ADGRL3: variants seen among roughly 807,000 people sequenced by gnomAD.
The protein encoded by ADGRL3 is calcium-independent alpha-latrotoxin receptor 3.
Under a neutral mutation model 153.5 loss-of-function variants are expected in ADGRL3, and 62 were observed. The observed-to-expected ratio is 0.40, with a 90% confidence interval of 0.33 to 0.50. The LOEUF (loss-of-function observed/expected upper bound fraction) is 0.50, where lower values mean the gene tolerates loss of function less well. Among genes scored for constraint, ADGRL3 ranks in the 20% least tolerant of loss-of-function variants. The pLI, the probability that ADGRL3 is intolerant of heterozygous loss-of-function variation, is 0.47. For synonymous variants in ADGRL3, 710 were observed against 672.5 expected (o/e 1.06, Z -0.86); for missense variants, 1,641 against 1,859.4 (o/e 0.88, Z 2.16).
At chr4:61,370,914 C>G (rs1223452907) in intron 1 of ADGRL3, among the ~76,000 whole-genome samples, 1 of 150,374 alleles carries the variant, frequency 6.7e-6, no homozygotes, top group East Asian at 2.0e-4. Context: ...CTGGGTGCTC[C>G]TGTATTGGGT....
intron 1 of ADGRL3, among the ~76,000 whole-genome samples, chr4:61,316,272 T>C (rs1278006665): frequency 1.3e-5 from 2 of 152,102 alleles, no homozygotes; most frequent in Non-Finnish European, 2.9e-5. Flanking sequence ...AACAAACAAA[T>C]TGGGCTTATT....
In ADGRL3 at chr4:62,029,019, A is replaced by G; in HGVS notation, c.3422+138A>G. ...GAAGAGCAAACTGTGCAGGAAAATAATCTGGCATACAACCTATATGCAGAA... is the reference window on the plus strand; with the variant it reads ...GAAGAGCAAACTGTGCAGGAAAATAGTCTGGCATACAACCTATATGCAGAA... On this transcript the variant is annotated intron_variant, in intron 22 of 26. Coordinates refer to ENST00000683033, the MANE Select transcript of ADGRL3 (RefSeq NM_001387552.1). 3 of 707,264 alleles carry G rather than the reference A, an allele frequency of 4.2e-6. No homozygotes were observed. In the South Asian group the frequency reaches 6.4e-5, roughly 15 times the overall value. The allele number at this position is 707,264 out of a possible 1,614,324, so 43.8% of individuals were successfully genotyped here.
In ADGRL3 at chr4:61,413,932, A is replaced by C. The variant is rs1417097627; in HGVS notation, c.-174+30743A>C. 2.6e-5 allele frequency among the ~76,000 whole-genome samples: 4 copies of C among 152,208 alleles called. No individual in the cohort carries two copies. In the East Asian group the frequency reaches 7.7e-4, roughly 29 times the overall value. Reference sequence around the variant, plus strand: ...TAGTCCTCCTTTATTCACAGAGAATACTGGTTTGGGACCATTTTATTAAAA... The same window carrying C: ...TAGTCCTCCTTTATTCACAGAGAATCCTGGTTTGGGACCATTTTATTAAAA... On this transcript the variant is annotated intron_variant, in intron 2 of 26. Transcript: ENST00000683033.
intron 9 of ADGRL3, among the ~76,000 whole-genome samples, chr4:61,859,760 T>C (rs2098321138): frequency 6.6e-6 from 1 of 152,204 alleles, no homozygotes; most frequent in Non-Finnish European, 1.5e-5. Context: ...ATGATCTATT[T>C]CTGTGGTGTG....
intron 1 of ADGRL3, among the ~76,000 whole-genome samples, chr4:61,253,008 T>A (rs968667793): frequency 1.3e-5 from 2 of 152,210 alleles, no homozygotes; most frequent in African/African-American, 4.8e-5. Context: ...TTTTTTTACT[T>A]ATTTTCAGTC....
At chr4:61,375,483 CAAGTG>C in intron 1 of ADGRL3, among the ~76,000 whole-genome samples, 1 of 152,078 alleles carries the variant, frequency 6.6e-6, no homozygotes, top group African/African-American at 2.4e-5. Context: ...TATGAATCAT[CAAGTG>C]TACTCCCTGA....
chr4:61,622,025 T>C (rs10025823), intron 5 of ADGRL3, among the ~76,000 whole-genome samples: 50,191 of 151,990 alleles, frequency 0.33, 9,107 homozygotes, highest in East Asian at 0.52. Context: ...TGTCGGTAGC[T>C]GTGTTGGTAT....
At position 61,979,752 on chromosome 4, in the gene ADGRL3, A is replaced by T; in HGVS notation, c.2995A>T (p.Ile999Phe). ...AGCAGAGCTGCTCTTCCTGATTGGG[A>T]TCAACCGAACTGACCAACCAGTAAG... ...FVAELLFLIG[I>F]NRTDQPIACA... is the part of the protein sequence containing the mutation. Residue 999 changes from isoleucine (I) to phenylalanine (F), a missense_variant, in exon 18 of 27, where the codon ATC becomes TTC. Ile to Phe is a conservative substitution (Grantham distance 21, BLOSUM62 0). Around this residue, in one of 5 missense-constraint regions of ADGRL3, gnomAD observed 734 missense variants for 797.0 expected, o/e 0.92. Coordinates refer to ENST00000683033, the MANE Select transcript of ADGRL3 (RefSeq NM_001387552.1). 6.2e-7 allele frequency: 1 copy of T among 1,613,902 alleles called. No homozygotes were observed. Among genetic ancestry groups the T allele is most frequent in the East Asian group, 2.2e-5 (1 of 44,862 alleles).
At chr4:61,655,055 G>A (rs2094402759) in intron 5 of ADGRL3, among the ~76,000 whole-genome samples, 1 of 152,028 alleles carries the variant, frequency 6.6e-6, no homozygotes, top group Non-Finnish European at 1.5e-5. Flanking sequence ...ATTATTTTAT[G>A]TGTGACTCTT....
At chr4:62,013,356 A>G (rs1409223515) in intron 21 of ADGRL3, among the ~76,000 whole-genome samples, 2 of 152,028 alleles carry the variant, frequency 1.3e-5, no homozygotes, top group African/African-American at 4.8e-5. Context: ...TCTCACCAAC[A>G]TGGTGGAACC....
intron 1 of ADGRL3, among the ~76,000 whole-genome samples, chr4:61,367,907 C>T (rs1476301488): frequency 6.7e-6 from 1 of 148,408 alleles, no homozygotes; most frequent in Non-Finnish European, 1.5e-5. Context: ...CTGTTGTTTC[C>T]TGACTTTTTA....
At chr4:61,679,370 T>C (rs2150950212) in intron 6 of ADGRL3, among the ~76,000 whole-genome samples, 1 of 152,172 alleles carries the variant, frequency 6.6e-6, no homozygotes, top group Admixed American at 6.6e-5. Context: ...GGGACACACA[T>C]GCAAACTATA....
At chr4:61,431,657 T>A (rs934145006) in intron 2 of ADGRL3, among the ~76,000 whole-genome samples, 1 of 152,144 alleles carries the variant, frequency 6.6e-6, no homozygotes, top group Non-Finnish European at 1.5e-5. Context: ...TAAGAAATTA[T>A]TGGGATAGAA....
At chr4:61,905,724 A>G (rs1214830500) in intron 11 of ADGRL3, among the ~76,000 whole-genome samples, 1 of 151,860 alleles carries the variant, frequency 6.6e-6, no homozygotes, top group African/African-American at 2.4e-5. Flanking sequence ...GCAAAACCTA[A>G]TCTCTACTGA....
At chr4:61,723,851 C>A (rs1056926624) in intron 6 of ADGRL3, among the ~76,000 whole-genome samples, 2 of 152,124 alleles carry the variant, frequency 1.3e-5, no homozygotes, top group Non-Finnish European at 2.9e-5. Flanking sequence ...ACCGAGGACT[C>A]CTTACCCTTT....
At chr4:61,662,009 G>A (rs1373855001) in intron 5 of ADGRL3, among the ~76,000 whole-genome samples, 2 of 152,236 alleles carry the variant, frequency 1.3e-5, no homozygotes, top group Non-Finnish European at 2.9e-5. Flanking sequence ...GCAGGTTGTA[G>A]TAGTGAAGGC....
At chr4:61,372,434 G>A (rs1479036276) in intron 1 of ADGRL3, among the ~76,000 whole-genome samples, 2 of 152,024 alleles carry the variant, frequency 1.3e-5, no homozygotes, top group East Asian at 3.9e-4. Flanking sequence ...CTGTTTGTTA[G>A]TTTTCCTTCT....
At chr4:61,756,386 G>A (rs60458198) in intron 8 of ADGRL3, among the ~76,000 whole-genome samples, 69,086 of 151,738 alleles carry the variant, frequency 0.46, 16,106 homozygotes, top group East Asian at 0.64. Context: ...AAGCAATTGT[G>A]AATGGGAGTT....
chr4:62,064,026 T>A (rs1434035589), intron 25 of ADGRL3, among the ~76,000 whole-genome samples: 1 of 152,078 alleles, frequency 6.6e-6, no homozygotes, highest in Non-Finnish European at 1.5e-5. Flanking sequence ...TATTACAAGA[T>A]CAAGAAAACA....
Sources: allele counts gnomAD v4.1 joint callset (sites outside exome capture counted in the v4.1 genomes callset), GRCh38; gene constraint gnomAD v4.1.1; regional missense constraint gnomAD v4.1.1; transcripts MANE v1.5; gene names NCBI Gene and HGNC (gene_info 2026-07-23, HGNC 2026-07-21).